The following ADARB2 variants were observed in gnomAD, a reference collection of about 807,000 sequenced individuals.
The protein encoded by ADARB2 is adenosine deaminase RNA specific B2 (inactive).
A neutral mutation model predicts 62.2 loss-of-function variants in ADARB2; 25 were observed. The observed-to-expected ratio is 0.40, with a 90% CI of 0.29 to 0.56. The LOEUF (loss-of-function observed/expected upper bound fraction) is 0.56, where lower values mean the gene tolerates loss of function less well. Ranked by LOEUF, ADARB2 falls within the 20% of genes least tolerant of loss-of-function variation. ADARB2 has a pLI of 0.43. For synonymous variants in ADARB2, 572 were observed against 500.8 expected (o/e 1.14, Z -1.90); for missense variants, 1,071 against 1,077.4 (o/e 0.99, Z 0.08).
chr10:1,649,477 A>T (rs150478714), intron 1 of ADARB2, among the ~76,000 whole-genome samples: 6 of 151,896 alleles, frequency 4.0e-5, no homozygotes, highest in Middle Eastern at 3.4e-3. Context: ...TCTCCCTTTA[A>T]TTTTCTCCGT....
At chr10:1,266,001 C>A (rs1831194716) in intron 4 of ADARB2, among the ~76,000 whole-genome samples, 1 of 133,806 alleles carries the variant, frequency 7.5e-6, no homozygotes. Flanking sequence ...CCACGCTCCC[C>A]CGGAAGACGG....
chr10:1,528,093 C>T (rs1172270890), intron 1 of ADARB2, among the ~76,000 whole-genome samples: 2 of 152,204 alleles, frequency 1.3e-5, no homozygotes, highest in East Asian at 1.9e-4. Flanking sequence ...GTGAATAACC[C>T]GAATGCATGT....
intron 3 of ADARB2, among the ~76,000 whole-genome samples, chr10:1,334,277 G>A (rs766322863): frequency 3.3e-5 from 5 of 152,320 alleles, no homozygotes; most frequent in African/African-American, 1.2e-4. Flanking sequence ...AGATCAGGCC[G>A]CGGCTTTTGG....
intron 1 of ADARB2, among the ~76,000 whole-genome samples, chr10:1,685,883 T>C (rs1298483004): frequency 6.6e-6 from 1 of 152,104 alleles, no homozygotes; most frequent in African/African-American, 2.4e-5. Flanking sequence ...TGGGGGAGGC[T>C]GAGTATGTGC....
intron 1 of ADARB2, among the ~76,000 whole-genome samples, chr10:1,564,387 A>C (rs1326946223): frequency 2.0e-5 from 3 of 152,260 alleles, no homozygotes; most frequent in Admixed American, 6.5e-5. Flanking sequence ...AAGCAATGGC[A>C]ACAAAAGCCA....
chr10:1,470,002 G>T (rs1167188274), intron 1 of ADARB2, among the ~76,000 whole-genome samples: 1 of 152,208 alleles, frequency 6.6e-6, no homozygotes, highest in East Asian at 1.9e-4. Context: ...GTGCCTGGGA[G>T]CCCGGGTAGG....
chr10:1,528,586 C>T (rs1157750348), intron 1 of ADARB2, among the ~76,000 whole-genome samples: 1 of 152,202 alleles, frequency 6.6e-6, no homozygotes, highest in African/African-American at 2.4e-5. Flanking sequence ...CCAGCAGCGC[C>T]CGGTGTGAGC....
At chr10:1,584,909 T>C (rs1251223537) in intron 1 of ADARB2, among the ~76,000 whole-genome samples, 3 of 152,162 alleles carry the variant, frequency 2.0e-5, no homozygotes, top group African/African-American at 7.2e-5. Flanking sequence ...GGTGAAAATT[T>C]GCAGACAATG....
chr10:1,326,318 T>A (rs1053911331), intron 3 of ADARB2, among the ~76,000 whole-genome samples: 1 of 152,100 alleles, frequency 6.6e-6, no homozygotes, highest in South Asian at 2.1e-4. Flanking sequence ...TAGGAAAACA[T>A]CAGAACTATC....
intron 1 of ADARB2, among the ~76,000 whole-genome samples, chr10:1,508,000 T>C (rs17156430): frequency 0.02 from 3,057 of 152,266 alleles, 274 homozygotes; most frequent in Admixed American, 0.15. Flanking sequence ...GGTTCCACAA[T>C]TGACGACTGT....
intron 1 of ADARB2, among the ~76,000 whole-genome samples, chr10:1,601,568 T>C (rs779928857): frequency 6.6e-6 from 1 of 152,230 alleles, no homozygotes; most frequent in Non-Finnish European, 1.5e-5. Context: ...CTCATGTCTG[T>C]TCCTTTTGCA....
chr10:1,346,870 C>G (rs1380122973), intron 3 of ADARB2, among the ~76,000 whole-genome samples: 2 of 152,240 alleles, frequency 1.3e-5, no homozygotes, highest in Non-Finnish European at 2.9e-5. Flanking sequence ...AAAATATAAG[C>G]TCCAGTTTTG....
chr10:1,535,274 A>G (rs969062778), intron 1 of ADARB2, among the ~76,000 whole-genome samples: 3 of 152,148 alleles, frequency 2.0e-5, no homozygotes, highest in Non-Finnish European at 4.4e-5. Flanking sequence ...GCTGTCCAGG[A>G]GAATCCATCC....
intron 1 of ADARB2, among the ~76,000 whole-genome samples, chr10:1,487,889 G>T (rs555033975): frequency 6.6e-6 from 1 of 150,760 alleles, no homozygotes; most frequent in African/African-American, 2.4e-5. Flanking sequence ...TGATTCCACA[G>T]AGGAGGAAGA....
At chr10:1,296,591 G>A (rs1373788193) in intron 3 of ADARB2, among the ~76,000 whole-genome samples, 3 of 152,222 alleles carry the variant, frequency 2.0e-5, no homozygotes, top group East Asian at 1.9e-4. Flanking sequence ...CATCACAAAC[G>A]TTGGGGGAGG....
chr10:1,633,592 C>CTATCTA (rs1554776976), intron 1 of ADARB2, among the ~76,000 whole-genome samples: 7 of 105,302 alleles, frequency 6.6e-5, no homozygotes, highest in Admixed American at 4.9e-4. Flanking sequence ...ATCTATCTAT[C>CTATCTA]TATCTATCTA....
chr10:1,398,178 C>T lies in ADARB2; in HGVS notation c.101-19018G>A, dbSNP rs116611216. ...TTCCTGGGTCACCGTCCTCCTCTCC[C>T]GTCCCGAGTGCAGGCTTCCTGGGTC... On this transcript the variant is annotated intron_variant, in intron 1 of 9. Transcript: ENST00000381312. The surrounding 1 kb of genome is among the most constrained non-coding windows in gnomAD (Gnocchi z 4.1). Among the ~76,000 whole-genome samples the T allele has an allele frequency of 8.7e-3, 1,281 of 147,286 alleles. 31 individuals are homozygous for T. The highest frequency in any genetic ancestry group is 0.031 in the African/African-American group (1,206 of 39,202).
intron 1 of ADARB2, among the ~76,000 whole-genome samples, chr10:1,487,463 T>G (rs575695414): frequency 2.3e-4 from 35 of 152,336 alleles, no homozygotes; most frequent in Non-Finnish European, 4.6e-4. Context: ...TGCCTGCTGC[T>G]GAGTGGAGAC....
chr10:1,184,505 C>T (rs1288399433), intron 9 of ADARB2, among the ~76,000 whole-genome samples: 1 of 152,184 alleles, frequency 6.6e-6, no homozygotes. Flanking sequence ...GTGTCGGTTT[C>T]CTGATATCTA....
Sources: gnomAD v4.1 joint callset for allele counts (sites outside exome capture counted in the v4.1 genomes callset) on GRCh38, gnomAD v4.1.1 for gene constraint, Gnocchi (gnomAD v3.1) non-coding constraint, MANE v1.5 for transcripts, NCBI Gene and HGNC (gene_info 2026-07-23, HGNC 2026-07-21) for gene names.